SHLD1: variants seen among roughly 807,000 people sequenced by gnomAD.
The protein encoded by SHLD1 is shieldin complex subunit 1.
A neutral mutation model predicts 5.5 loss-of-function variants in SHLD1; 3 were observed. That is an observed-to-expected ratio of 0.54 (90% CI 0.25 to 1.40). The LOEUF is 1.40. Ranked by LOEUF, SHLD1 falls within the 40% of genes most tolerant of loss-of-function variation. SHLD1 has a pLI of 0.15. For missense variants in SHLD1, 210 were observed against 244.4 expected, an observed-to-expected ratio of 0.86 and a Z score of 0.94; for synonymous variants, 92 against 94.3, an observed-to-expected ratio of 0.98 and a Z score of 0.14.
intron 2 of SHLD1, among the ~76,000 whole-genome samples, chr20:5,817,537 C>G (rs1179226756): frequency 2.0e-5 from 3 of 150,642 alleles, no homozygotes; most frequent in African/African-American, 4.9e-5. Flanking sequence ...TTTGAATAGC[C>G]TGTACTCTGT....
At chr20:5,851,494 TA>T (rs557612044) in intron 2 of SHLD1, among the ~76,000 whole-genome samples, 5,595 of 133,238 alleles carry the variant, frequency 0.042, 200 homozygotes, top group African/African-American at 0.1. Flanking sequence ...CCTGTCTCCT[TA>T]AAAAAAAAAA....
intron 1 of SHLD1, among the ~76,000 whole-genome samples, chr20:5,763,045 G>A (rs1293497409): frequency 1.3e-5 from 2 of 151,102 alleles, no homozygotes; most frequent in Non-Finnish European, 2.9e-5. Flanking sequence ...AGTGGCTCAC[G>A]CCTATAATCC....
At chr20:5,776,393 G>A (rs1341015401) in intron 2 of SHLD1, among the ~76,000 whole-genome samples, 2 of 152,102 alleles carry the variant, frequency 1.3e-5, no homozygotes, top group African/African-American at 2.4e-5. Context: ...GTCCTCATAT[G>A]GCCTAGAGAG....
intron 2 of SHLD1, among the ~76,000 whole-genome samples, chr20:5,861,627 G>C (rs181681677): frequency 2.4e-4 from 36 of 152,298 alleles, no homozygotes; most frequent in African/African-American, 8.4e-4. Context: ...TTCTAGAAGA[G>C]AGATTGTTTA....
At chr20:5,752,094 A>G (rs6107685) in intron 1 of SHLD1, among the ~76,000 whole-genome samples, 9,323 of 152,162 alleles carry the variant, frequency 0.061, 964 homozygotes, top group African/African-American at 0.21. Flanking sequence ...TAGATGGGCT[A>G]GGTGCCATGA....
chr20:5,850,057 T>C (rs2087986249), intron 2 of SHLD1, among the ~76,000 whole-genome samples: 2 of 146,870 alleles, frequency 1.4e-5, no homozygotes, highest in South Asian at 4.2e-4. Flanking sequence ...AGCAGGAGGA[T>C]CACCTGAGCC....
At chr20:5,848,351 C>T (rs185256677) in intron 2 of SHLD1, among the ~76,000 whole-genome samples, 153 of 152,294 alleles carry the variant, frequency 1.0e-3, no homozygotes, top group African/African-American at 3.4e-3. Flanking sequence ...AACAGCCTGG[C>T]CAACATGGCA....
intron 2 of SHLD1, among the ~76,000 whole-genome samples, chr20:5,800,798 A>G (rs1220688942): frequency 6.6e-6 from 1 of 151,976 alleles, no homozygotes; most frequent in Non-Finnish European, 1.5e-5. Context: ...GACAAGAAAA[A>G]AATTACATCT....
At chr20:5,784,684 T>C (rs1486240234) in intron 2 of SHLD1, among the ~76,000 whole-genome samples, 1 of 151,990 alleles carries the variant, frequency 6.6e-6, no homozygotes, top group Non-Finnish European at 1.5e-5. Context: ...TCGCCTGACC[T>C]TGTGATCCGC....
At chr20:5,836,511 C>CTAAG (rs2087791057) in intron 2 of SHLD1, among the ~76,000 whole-genome samples, 1 of 152,222 alleles carries the variant, frequency 6.6e-6, no homozygotes, top group Non-Finnish European at 1.5e-5. Flanking sequence ...GCCACAGTGG[C>CTAAG]CTCTCATCCT....
chr20:5,836,920 G>A (rs922350366), intron 2 of SHLD1, among the ~76,000 whole-genome samples: 8 of 152,182 alleles, frequency 5.3e-5, no homozygotes, highest in African/African-American at 1.7e-4. Context: ...ACAGAGACAA[G>A]GATGGAGCAG....
In SHLD1 at chr20:5,863,430, C is replaced by T. The variant is rs1445339534; in HGVS notation, c.585C>T (p.Phe195=). 6.8e-6 allele frequency: 11 copies of T among 1,609,194 alleles called. No individual in the cohort carries two copies. Among genetic ancestry groups the T allele is most frequent in the Non-Finnish European group, 9.3e-6 (11 of 1,177,786 alleles). ...GACTGTCAAAGGATATTACTCATTT[C>T]CTCTTGCAGCAGAATGTAATGAAAG... ...NPGLSKDITH[F]LLQQNVMKDL Residue 195 remains phenylalanine, a synonymous_variant, in exon 3 of 3, where the codon TTC becomes TTT. Coordinates refer to ENST00000303142, the MANE Select transcript of SHLD1 (RefSeq NM_152504.4).
intron 1 of SHLD1, 108 bp from the exon 2 acceptor site, chr20:5,772,748 CAAAAAT>C (rs1352506598): frequency 5.9e-5 from 65 of 1,110,314 alleles, no homozygotes; most frequent in Non-Finnish European, 7.7e-5. Flanking sequence ...CTGATCTCTA[CAAAAAT>C]AAAAATAAAA....
chr20:5,760,314 G>A (rs539149995), intron 1 of SHLD1, among the ~76,000 whole-genome samples: 5 of 152,176 alleles, frequency 3.3e-5, no homozygotes, highest in African/African-American at 9.6e-5. Context: ...GTGGAGTGCA[G>A]GTGTGGGAGG....
At chr20:5,769,459 C>G (rs963865075) in intron 1 of SHLD1, among the ~76,000 whole-genome samples, 7 of 152,324 alleles carry the variant, frequency 4.6e-5, no homozygotes, top group South Asian at 4.1e-4. Context: ...GGACTACGGA[C>G]CCCCCAGGGG....
At chr20:5,753,124 AG>A (rs1983860661) in intron 1 of SHLD1, among the ~76,000 whole-genome samples, 1 of 152,152 alleles carries the variant, frequency 6.6e-6, no homozygotes. Context: ...TATTTCATTC[AG>A]GGTTTGCTAT....
intron 2 of SHLD1, among the ~76,000 whole-genome samples, chr20:5,809,348 A>C (rs921518183): frequency 1.3e-5 from 2 of 152,090 alleles, no homozygotes; most frequent in Non-Finnish European, 2.9e-5. Flanking sequence ...TTAGAATTAG[A>C]TGTATTTGCT....
chr20:5,791,164 CA>C (rs557025219), intron 2 of SHLD1, among the ~76,000 whole-genome samples: 45 of 152,088 alleles, frequency 3.0e-4, no homozygotes, highest in African/African-American at 1.0e-3. Flanking sequence ...CCTTATTTGA[CA>C]AGGATTTTAA....
chr20:5,850,010 G>A (rs73596867), intron 2 of SHLD1, among the ~76,000 whole-genome samples: 9,877 of 147,844 alleles, frequency 0.067, 648 homozygotes, highest in East Asian at 0.17. Context: ...CTAGGGTGAT[G>A]GCTTATGCCT....
Sources: gnomAD v4.1 joint callset for allele counts (sites outside exome capture counted in the v4.1 genomes callset) on GRCh38, gnomAD v4.1.1 for gene constraint, MANE v1.5 for transcripts, NCBI Gene and HGNC (gene_info 2026-07-23, HGNC 2026-07-21) for gene names.